The following ACACA variants were observed in gnomAD, a reference collection of about 807,000 sequenced individuals.
ACACA encodes acetyl-CoA carboxylase alpha, also known as acetyl-CoA carboxylase 1.
ACACA carries 103 observed loss-of-function variants against 296.1 expected under a neutral mutation model. The observed-to-expected ratio is 0.35, with a 90% CI of 0.30 to 0.41. ACACA has a LOEUF of 0.41. Among genes scored for constraint, ACACA ranks in the 10% least tolerant of loss-of-function variants. The pLI is 1.00. For synonymous variants in ACACA, 953 were observed against 1,038.6 expected (o/e 0.92, Z 1.58); for missense variants, 1,554 against 2,989.7 (o/e 0.52, Z 11.20).
intron 39 of ACACA, among the ~76,000 whole-genome samples, chr17:37,181,900 C>CAAA (rs61045031): frequency 0.018 from 397 of 22,214 alleles, 42 homozygotes; most frequent in African/African-American, 0.046. Flanking sequence ...ACTCTGTATC[C>CAAA]AAAAAAAAAA....
At chr17:37,257,988 A>G in intron 13 of ACACA, 122 bp from the exon 14 acceptor site, 4 of 1,346,228 alleles carry the variant, frequency 3.0e-6, no homozygotes, top group South Asian at 2.5e-5. Context: ...CAAAAATGAT[A>G]AAGGCCAAGA....
At chr17:37,117,629 T>C (rs1042673741) in intron 50 of ACACA, among the ~76,000 whole-genome samples, 1 of 152,228 alleles carries the variant, frequency 6.6e-6, no homozygotes, top group Non-Finnish European at 1.5e-5. Flanking sequence ...TCCATCTAAA[T>C]ATTCAGCCAG....
intron 47 of ACACA, among the ~76,000 whole-genome samples, chr17:37,128,110 C>T (rs1046019707): frequency 1.1e-4 from 16 of 145,820 alleles, no homozygotes; most frequent in South Asian, 6.8e-4. Context: ...AAAACTATTT[C>T]GTTTTATTAA....
At chr17:37,334,459 C>G (rs2048019147) in intron 2 of ACACA, among the ~76,000 whole-genome samples, 1 of 152,108 alleles carries the variant, frequency 6.6e-6, no homozygotes, top group African/African-American at 2.4e-5. Flanking sequence ...GGGAAGGAAA[C>G]TACCCAGCCA....
At chr17:37,196,527 A>G (rs1360391280) in intron 35 of ACACA, among the ~76,000 whole-genome samples, 1 of 152,084 alleles carries the variant, frequency 6.6e-6, no homozygotes, top group Non-Finnish European at 1.5e-5. Context: ...GAATCTTATC[A>G]TGGTTTTAGG....
chr17:37,222,878 G>A (rs1459158392), intron 28 of ACACA, among the ~76,000 whole-genome samples: 6 of 152,206 alleles, frequency 3.9e-5, no homozygotes, highest in African/African-American at 9.6e-5. Context: ...GTAGTGTGCT[G>A]TAGCGGAAAC....
intron 3 of ACACA, among the ~76,000 whole-genome samples, chr17:37,319,523 TA>T (rs2047246920): frequency 6.6e-6 from 1 of 152,096 alleles, no homozygotes; most frequent in African/African-American, 2.4e-5. Context: ...AAGCATGATT[TA>T]AAAAATATTT....
At chr17:37,258,817 G>C (rs1290736026) in intron 12 of ACACA, among the ~76,000 whole-genome samples, 1 of 152,106 alleles carries the variant, frequency 6.6e-6, no homozygotes, top group African/African-American at 2.4e-5. Context: ...TCTCGATGTG[G>C]GCAAATGTTA....
intron 1 of ACACA, among the ~76,000 whole-genome samples, chr17:37,375,709 A>G (rs182823276): frequency 5.3e-4 from 81 of 152,310 alleles, no homozygotes; most frequent in Admixed American, 1.6e-3. Context: ...TCATGAAAGT[A>G]TATAAATCTC....
At chr17:37,282,863 G>GA (rs980925373) in intron 5 of ACACA, among the ~76,000 whole-genome samples, 11 of 148,750 alleles carry the variant, frequency 7.4e-5, no homozygotes, top group African/African-American at 9.8e-5. Context: ...CTCAGGAAGA[G>GA]AAAAAAAAAA....
rs554571885 is a variant in ACACA at position 37,244,198 on chromosome 17, TA to T, written c.2742+389del. On this transcript the variant is annotated intron_variant, in intron 21 of 55. Transcript: ENST00000616317. ...CAACGTGGTGAAACCCCACCTCTACTAAAAAAAAAAAAAAAAAATTAGCCGC... is the reference window on the plus strand; with the variant it reads ...CAACGTGGTGAAACCCCACCTCTACTAAAAAAAAAAAAAAAAATTAGCCGC... Among the ~76,000 whole-genome samples, 855 of 120,346 alleles carry T rather than the reference TA, an allele frequency of 7.1e-3. 1 individual carries two copies. Among genetic ancestry groups the T allele is most frequent in the Middle Eastern group, 0.017 (4 of 238 alleles). The allele number at this position is 120,346 out of a possible 152,430, so 79.0% of individuals were successfully genotyped here. A position where few individuals can be genotyped will look rare whatever the true frequency, so the allele number is the denominator to read the frequency against.
intron 1 of ACACA, among the ~76,000 whole-genome samples, chr17:37,385,113 G>C (rs1481399725): frequency 6.6e-6 from 1 of 152,000 alleles, no homozygotes; most frequent in Non-Finnish European, 1.5e-5. Context: ...CTCCTAACAG[G>C]TTACCCTCCT....
rs1489267926 is a variant in ACACA at position 37,272,656 on chromosome 17, TA to T, written c.1008+1536del. ...AAAGCTTTAGTCACAGGTCACCCAT[TA>T]AAAATATTTTGGAAGAATTTTAACA... On this transcript the variant is annotated intron_variant, in intron 9 of 55. Transcript: ENST00000616317. 3.3e-5 allele frequency among the ~76,000 whole-genome samples: 5 copies of T among 152,248 alleles called. No individual in the cohort carries two copies. The East Asian group carries it at 9.6e-4, about 29-fold the overall frequency.
At chr17:37,315,715 T>TG (rs2047055368) in intron 3 of ACACA, among the ~76,000 whole-genome samples, 1 of 152,172 alleles carries the variant, frequency 6.6e-6, no homozygotes, top group Admixed American at 6.5e-5. Flanking sequence ...GGGCAAGGTA[T>TG]GGGGGAAGGG....
intron 3 of ACACA, chr17:37,329,098 A>G: frequency 2.5e-6 from 1 of 396,394 alleles, no homozygotes; most frequent in Non-Finnish European, 4.4e-6. Flanking sequence ...AGTTAGGGAG[A>G]ACTGTGTTTC....
intron 19 of ACACA, among the ~76,000 whole-genome samples, chr17:37,245,887 T>C (rs528109983): frequency 2.6e-5 from 4 of 152,222 alleles, no homozygotes; most frequent in Non-Finnish European, 4.4e-5. Context: ...TAACCTCACA[T>C]TCAAGATCTC....
intron 50 of ACACA, among the ~76,000 whole-genome samples, chr17:37,114,152 T>C (rs754592325): frequency 6.6e-6 from 1 of 151,774 alleles, no homozygotes; most frequent in East Asian, 1.9e-4. Flanking sequence ...CACTGCACTC[T>C]AGCCTGGGTG....
chr17:37,291,097 A>AG (rs1423453594), intron 3 of ACACA, among the ~76,000 whole-genome samples: 1 of 150,380 alleles, frequency 6.6e-6, no homozygotes, highest in African/African-American at 2.4e-5. Flanking sequence ...AAAAAAAAAA[A>AG]GAAAAAGAAA....
chr17:37,282,281 C>A (rs1365789275), intron 5 of ACACA, among the ~76,000 whole-genome samples: 1 of 152,164 alleles, frequency 6.6e-6, no homozygotes. Context: ...TGTGCCTACT[C>A]CCCCTTCATC....
Sources: allele counts gnomAD v4.1 joint callset (sites outside exome capture counted in the v4.1 genomes callset), GRCh38; gene constraint gnomAD v4.1.1; transcripts MANE v1.5; gene names NCBI Gene and HGNC (gene_info 2026-07-23, HGNC 2026-07-21).